LPP: variants seen among roughly 807,000 people sequenced by gnomAD.
LPP encodes the protein lipoma-preferred partner.
A neutral mutation model predicts 60.4 loss-of-function variants in LPP; 38 were observed. The observed-to-expected ratio is 0.63, with a 90% CI of 0.49 to 0.83. The LOEUF (loss-of-function observed/expected upper bound fraction) is 0.83. Among genes scored for constraint, LPP ranks in the 40% least tolerant of loss-of-function variants. The pLI, the probability that LPP is intolerant of heterozygous loss-of-function variation, is 0.00. For missense variants in LPP, 902 were observed against 783.6 expected, an observed-to-expected ratio of 1.15 and a Z score of -1.80; for synonymous variants, 328 against 290.8, an observed-to-expected ratio of 1.13 and a Z score of -1.30.
chr3:188,484,109 C>T (rs1438880205), intron 4 of LPP, among the ~76,000 whole-genome samples: 1 of 152,132 alleles, frequency 6.6e-6, no homozygotes, highest in Non-Finnish European at 1.5e-5. Flanking sequence ...ATGGACGTAC[C>T]TTCTACATCA....
intron 7 of LPP, among the ~76,000 whole-genome samples, chr3:188,707,769 T>C (rs1330832915): frequency 1.3e-5 from 2 of 152,182 alleles, no homozygotes; most frequent in African/African-American, 4.8e-5. Context: ...CTGTATGTTT[T>C]CTCCCTTTTA....
At chr3:188,680,298 G>A (rs969074325) in intron 7 of LPP, among the ~76,000 whole-genome samples, 9 of 152,068 alleles carry the variant, frequency 5.9e-5, no homozygotes, top group East Asian at 3.8e-4. Context: ...AAATTGGATC[G>A]CTTCAGATTG....
intron 2 of LPP, among the ~76,000 whole-genome samples, chr3:188,241,755 T>G (rs1031074836): frequency 6.6e-6 from 1 of 152,316 alleles, no homozygotes; most frequent in Admixed American, 6.5e-5. Flanking sequence ...TACTACTATA[T>G]ACGTAATTTC....
chr3:188,526,524 C>G (rs1185262498), intron 6 of LPP, among the ~76,000 whole-genome samples: 1 of 152,142 alleles, frequency 6.6e-6, no homozygotes, highest in Non-Finnish European at 1.5e-5. Context: ...CTCCTGACCT[C>G]AAGCGATCTG....
intron 9 of LPP, among the ~76,000 whole-genome samples, chr3:188,840,310 C>T (rs192460743): frequency 6.6e-6 from 1 of 152,200 alleles, no homozygotes; most frequent in East Asian, 1.9e-4. Context: ...TATGTTTTAC[C>T]TACATACAAC....
rs572087689 is a variant in LPP, at chr3:188,442,326, G to A, written c.193+36013G>A. Among the ~76,000 whole-genome samples, 8 of 152,154 alleles carry A rather than the reference G, an allele frequency of 5.3e-5. No individual in the cohort carries two copies. The East Asian group carries it at 7.7e-4, about 15-fold the overall frequency. On this transcript the variant is annotated intron_variant, in intron 4 of 11. Transcript: ENST00000617246. ...GTGTGATGTTCCCTTCCCCGTGTCC[G>A]TGTGTTCTCATTGTTCAACTCCCAC...
intron 9 of LPP, among the ~76,000 whole-genome samples, chr3:188,832,386 G>A (rs780222988): frequency 3.9e-5 from 6 of 152,162 alleles, no homozygotes; most frequent in African/African-American, 9.6e-5. Context: ...AATGAATTCC[G>A]CCAATAATCT....
chr3:188,746,362 G>C (rs1199453392), intron 8 of LPP: 2 of 436,804 alleles, frequency 4.6e-6, no homozygotes, highest in Non-Finnish European at 4.6e-6. Flanking sequence ...AGAAAAACAC[G>C]CTGAATAGAT....
intron 5 of LPP, among the ~76,000 whole-genome samples, chr3:188,512,507 G>T (rs1404269654): frequency 6.6e-6 from 1 of 151,738 alleles, no homozygotes; most frequent in Admixed American, 6.6e-5. Context: ...AGCCAAGGTT[G>T]CAGTGAGTGC....
chr3:188,391,658 C>G (rs1328579779), intron 3 of LPP, among the ~76,000 whole-genome samples: 1 of 152,072 alleles, frequency 6.6e-6, no homozygotes, highest in African/African-American at 2.4e-5. Context: ...TTTCTACAAT[C>G]AAGCAAGACA....
chr3:188,655,863 T>A (rs866199264), intron 7 of LPP, among the ~76,000 whole-genome samples: 5 of 152,046 alleles, frequency 3.3e-5, no homozygotes, highest in African/African-American at 1.2e-4. Flanking sequence ...TGCTTCCTTA[T>A]ACAAGGTGCA....
chr3:188,718,683 C>G (rs1245340742), intron 8 of LPP, among the ~76,000 whole-genome samples: 2 of 152,116 alleles, frequency 1.3e-5, no homozygotes, highest in African/African-American at 2.4e-5. Flanking sequence ...ATGCCTGGCA[C>G]ATCGGAGATA....
intron 3 of LPP, among the ~76,000 whole-genome samples, chr3:188,356,165 A>G (rs974122041): frequency 2.0e-5 from 3 of 152,172 alleles, no homozygotes; most frequent in African/African-American, 7.2e-5. Context: ...TTGAACTTGG[A>G]CACATTTTTG....
Position 188,760,301 on chromosome 3 carries a change from C to T in LPP, c.1410+19C>T, listed in dbSNP as rs1454905880. The T allele has an allele frequency of 3.7e-6, 6 of 1,613,556 alleles. No individual in the cohort carries two copies. Among genetic ancestry groups the T allele is most frequent in the South Asian group, 1.1e-5 (1 of 91,044 alleles). The stretch of plus-strand genomic sequence containing the variant: ...CTACATTGTAAGTTCCAGATTTGTT[C>T]CTCAAGCACTTTGCAAAGATGTCTT... On this transcript the variant is annotated intron_variant, in intron 9 of 11. Transcript: ENST00000617246.
At chr3:188,839,911 A>T (rs975377927) in intron 9 of LPP, among the ~76,000 whole-genome samples, 1 of 152,180 alleles carries the variant, frequency 6.6e-6, no homozygotes, top group Non-Finnish European at 1.5e-5. Flanking sequence ...ATTAAATTTA[A>T]AAAAGAGTAA....
rs538685633 is a variant in LPP at position 188,493,058 on chromosome 3, TG to T, written c.306+8355del. 2.3e-3 allele frequency among the ~76,000 whole-genome samples: 354 copies of T among 152,356 alleles called. 2 individuals are homozygous for T. Among genetic ancestry groups the T allele is most frequent in the Admixed American group, 4.8e-3 (73 of 15,308 alleles). Reference sequence around the variant, plus strand: ...TCATCATCTTGATTCTTCTCTTTTTTGTTCTTTTTTTCTGCCATAGTACTTC... The same window carrying T: ...TCATCATCTTGATTCTTCTCTTTTTTTTCTTTTTTTCTGCCATAGTACTTC... On this transcript the variant is annotated intron_variant, in intron 5 of 11. Transcript: ENST00000617246.
rs1783346882 is a variant in LPP, at chr3:188,405,872, CCTCTTT to C, written c.-9-231_-9-226del. On this transcript the variant is annotated intron_variant, in intron 3 of 11. Transcript: ENST00000617246. ...GAGGCAGTGTTCTCTTCCTGCTCCT[CCTCTTT>C]CTCTTTCTTTCTTTCTTTCTCCTTT... Among the ~76,000 whole-genome samples the C allele has an allele frequency of 3.8e-5, 2 of 52,538 alleles. 1 individual carries two copies. Among genetic ancestry groups the C allele is most frequent in the African/African-American group, 8.0e-5 (2 of 24,888 alleles). 34.5% of individuals were successfully genotyped at this position (52,538 alleles called of 152,430 possible). A position where few individuals can be genotyped will look rare whatever the true frequency, so the allele number is the denominator to read the frequency against.
intron 3 of LPP, among the ~76,000 whole-genome samples, chr3:188,362,849 G>T (rs965332560): frequency 1.3e-5 from 2 of 152,136 alleles, no homozygotes; most frequent in African/African-American, 4.8e-5. Context: ...AGCTTTTGAT[G>T]ATCAGAGCCT....
chr3:188,217,381 GA>G lies in LPP; in HGVS notation c.-189-8020del, dbSNP rs1359970571. Among the ~76,000 whole-genome samples, 1 of 152,144 alleles carries G rather than the reference GA, an allele frequency of 6.6e-6. No homozygotes were observed. Among genetic ancestry groups the G allele is most frequent in the Non-Finnish European group, 1.5e-5 (1 of 68,022 alleles). On this transcript the variant is annotated intron_variant, in intron 1 of 11. Coordinates refer to ENST00000617246, the MANE Select transcript of LPP (RefSeq NM_001375462.1). The surrounding 1 kb of genome is among the most constrained non-coding windows in gnomAD (Gnocchi z 4.0). The stretch of plus-strand genomic sequence containing the variant: ...GTGGGCTGCAGGGGAAGAAGCAGGA[GA>G]AAAGAATAGGGTCTAGCAGGTGGTG...
Sources: gnomAD v4.1 joint callset for allele counts (sites outside exome capture counted in the v4.1 genomes callset) on GRCh38, gnomAD v4.1.1 for gene constraint, Gnocchi (gnomAD v3.1) non-coding constraint, MANE v1.5 for transcripts, NCBI Gene and HGNC (gene_info 2026-07-23, HGNC 2026-07-21) for gene names.